The following ARHGEF7 variants were observed in gnomAD, a reference collection of about 807,000 sequenced individuals.
The protein encoded by ARHGEF7 is PAK-interacting exchange factor beta.
A neutral mutation model predicts 109.8 loss-of-function variants in ARHGEF7; 33 were observed. The ratio of observed to expected loss-of-function variants is 0.30; its 90% confidence interval spans 0.23 to 0.40. ARHGEF7 has a LOEUF of 0.40. Among genes scored for constraint, ARHGEF7 ranks in the 10% least tolerant of loss-of-function variants. The pLI is 1.00. For synonymous variants in ARHGEF7, 458 were observed against 424.6 expected, an observed-to-expected ratio of 1.08 and a Z score of -0.97; for missense variants, 938 against 1,098.5, an observed-to-expected ratio of 0.85 and a Z score of 2.07.
At chr13:111,283,487 G>T in intron 16 of ARHGEF7, 124 bp downstream of exon 16, 1 of 1,411,500 alleles carries the variant, frequency 7.1e-7, no homozygotes, top group Non-Finnish European at 9.3e-7. Context: ...GAACTGAGAA[G>T]GGGGGGTCTG....
intron 4 of ARHGEF7, among the ~76,000 whole-genome samples, chr13:111,210,837 T>C (rs1284105684): frequency 6.6e-6 from 1 of 152,290 alleles, no homozygotes; most frequent in East Asian, 1.9e-4. Flanking sequence ...AACCCTATTC[T>C]AGAGTCATGA....
Position 111,292,091 on chromosome 13 carries a change from G to A in ARHGEF7, c.2135-27G>A, listed in dbSNP as rs768849862. 7 of 1,604,336 alleles carry A rather than the reference G, an allele frequency of 4.4e-6. No homozygotes were observed. In the East Asian group the frequency reaches 1.1e-4, roughly 26 times the overall value. ...CTCCTCCTCACCCCCTGCCTGTCGC[G>A]CCTGTCCCTCCGCCCGCCCGTCTTA... On this transcript the variant is annotated intron_variant, in intron 18 of 21. Coordinates refer to ENST00000646102, the MANE Select transcript of ARHGEF7 (RefSeq NM_001354046.2).
intron 8 of ARHGEF7, among the ~76,000 whole-genome samples, chr13:111,264,888 G>A (rs971537650): frequency 2.0e-5 from 3 of 152,128 alleles, no homozygotes; most frequent in Non-Finnish European, 4.4e-5. Flanking sequence ...ATATTGCTAT[G>A]TTTTAGAAGC....
At chr13:111,218,251 G>A (rs932240043) in intron 5 of ARHGEF7, among the ~76,000 whole-genome samples, 1 of 151,940 alleles carries the variant, frequency 6.6e-6, no homozygotes, top group South Asian at 2.1e-4. Flanking sequence ...ACTATGGGTG[G>A]TACTTTTGGC....
At chr13:111,253,084 A>G (rs1384703837) in intron 8 of ARHGEF7, among the ~76,000 whole-genome samples, 1 of 152,242 alleles carries the variant, frequency 6.6e-6, no homozygotes, top group Non-Finnish European at 1.5e-5. Flanking sequence ...TCACTTTGGG[A>G]CAAGAAAGCC....
At chr13:111,120,364 C>A (rs547078007) in intron 1 of ARHGEF7, among the ~76,000 whole-genome samples, 9 of 152,264 alleles carry the variant, frequency 5.9e-5, no homozygotes, top group Non-Finnish European at 7.3e-5. Flanking sequence ...CACAAGCATA[C>A]ACACACGCAT....
intron 8 of ARHGEF7, among the ~76,000 whole-genome samples, chr13:111,256,566 G>A (rs1001720116): frequency 1.3e-5 from 2 of 152,182 alleles, no homozygotes; most frequent in South Asian, 2.1e-4. Flanking sequence ...TGTTTGTGCC[G>A]ATCTCTGTGG....
At chr13:111,224,721 G>A (rs1191134925) in intron 5 of ARHGEF7, among the ~76,000 whole-genome samples, 5 of 152,158 alleles carry the variant, frequency 3.3e-5, no homozygotes, top group Non-Finnish European at 5.9e-5. Context: ...TTTGGATGTC[G>A]TTATTAATTT....
rs1427987301 is a variant in ARHGEF7 at position 111,131,653 on chromosome 13, C to G, written c.165+15962C>G. Among the ~76,000 whole-genome samples, 1 of 152,106 alleles carries G rather than the reference C, an allele frequency of 6.6e-6. No individual in the cohort carries two copies. Among genetic ancestry groups the G allele is most frequent in the Non-Finnish European group, 1.5e-5 (1 of 68,022 alleles). ...AAGAGAGAAACTAAGGCAGGGTGGT[C>G]AGAGGCCATTAGGAGACGGGCAGTG... On this transcript the variant is annotated intron_variant, in intron 1 of 21. Coordinates refer to ENST00000646102, the MANE Select transcript of ARHGEF7 (RefSeq NM_001354046.2). The surrounding 1 kb of genome is among the most constrained non-coding windows in gnomAD (Gnocchi z 4.4).
chr13:111,280,772 A>C, intron 15 of ARHGEF7, 95 bp downstream of exon 15: 1 of 1,346,136 alleles, frequency 7.4e-7, no homozygotes, highest in Non-Finnish European at 1.0e-6. Context: ...AAACCTAATC[A>C]ATATTTGGAT....
intron 19 of ARHGEF7, chr13:111,293,177 G>A: frequency 1.0e-6 from 1 of 985,418 alleles, no homozygotes; most frequent in Non-Finnish European, 1.2e-6. Context: ...CTCTGCAAGT[G>A]TAGACTACTG....
intron 2 of ARHGEF7, 24 bp from the exon 3 acceptor site, chr13:111,205,265 T>C (rs1190940404): frequency 6.3e-7 from 1 of 1,579,786 alleles, no homozygotes; most frequent in Admixed American, 1.9e-5. Context: ...CTACTAATTT[T>C]GCTTGTTTAA....
intron 17 of ARHGEF7, among the ~76,000 whole-genome samples, chr13:111,287,890 G>C (rs993669786): frequency 6.6e-6 from 1 of 151,338 alleles, no homozygotes; most frequent in East Asian, 1.9e-4. Context: ...AGACAGGCAC[G>C]GATGGCCACG....
chr13:111,219,950 G>A (rs1176594329), intron 5 of ARHGEF7, among the ~76,000 whole-genome samples: 2 of 151,882 alleles, frequency 1.3e-5, no homozygotes, highest in Non-Finnish European at 2.9e-5. Context: ...CTGAGAGCGC[G>A]GCACTGGCAC....
At chr13:111,162,830 G>C (rs935648009) in intron 2 of ARHGEF7, among the ~76,000 whole-genome samples, 4 of 152,010 alleles carry the variant, frequency 2.6e-5, no homozygotes, top group African/African-American at 9.7e-5. Flanking sequence ...TTAAAATGTG[G>C]GAACCACTTA....
At chr13:111,165,793 G>T (rs1487274712) in intron 2 of ARHGEF7, among the ~76,000 whole-genome samples, 1 of 152,200 alleles carries the variant, frequency 6.6e-6, no homozygotes, top group Admixed American at 6.5e-5. Flanking sequence ...CTAGCAAATA[G>T]AAACCAGAGT....
At chr13:111,160,078 C>G (rs1320983226) in intron 2 of ARHGEF7, among the ~76,000 whole-genome samples, 1 of 152,142 alleles carries the variant, frequency 6.6e-6, no homozygotes, top group African/African-American at 2.4e-5. Context: ...ATGTGGATAT[C>G]CAATTTTCCC....
At chr13:111,290,954 A>G (rs1005808020) in intron 18 of ARHGEF7, among the ~76,000 whole-genome samples, 1 of 152,230 alleles carries the variant, frequency 6.6e-6, no homozygotes, top group Non-Finnish European at 1.5e-5. Flanking sequence ...CGGGTTTTAG[A>G]AGGATAATAT....
chr13:111,229,885 GC>G (rs2085797179), intron 5 of ARHGEF7, among the ~76,000 whole-genome samples: 1 of 152,218 alleles, frequency 6.6e-6, no homozygotes, highest in South Asian at 2.1e-4. Flanking sequence ...TCTGTGAGCA[GC>G]CTGCACACTT....
Sources: gnomAD v4.1 joint callset for allele counts (sites outside exome capture counted in the v4.1 genomes callset) on GRCh38, gnomAD v4.1.1 for gene constraint, Gnocchi (gnomAD v3.1) non-coding constraint, MANE v1.5 for transcripts, NCBI Gene and HGNC (gene_info 2026-07-23, HGNC 2026-07-21) for gene names.